GFY: variants seen among roughly 807,000 people sequenced by gnomAD.
The protein encoded by GFY is Golgi-associated olfactory signaling regulator.
A neutral mutation model predicts 29.1 loss-of-function variants in GFY; 28 were observed. The ratio of observed to expected loss-of-function variants is 0.96; its 90% CI spans 0.71 to 1.32. The LOEUF (loss-of-function observed/expected upper bound fraction) is 1.32. Among genes scored for constraint, GFY ranks in the 40% most tolerant of loss-of-function variants. The pLI, the probability that GFY is intolerant of heterozygous loss-of-function variation, is 0.00. For missense variants in GFY, 656 were observed against 661.9 expected (o/e 0.99, Z 0.10); for synonymous variants, 277 against 274.5 (o/e 1.01, Z -0.09).
In GFY at chr19:49,426,191, C is replaced by T. The variant is rs79239146; in HGVS notation, c.-21-219C>T. Among the ~76,000 whole-genome samples, 753 of 152,340 alleles carry T rather than the reference C, an allele frequency of 4.9e-3. 2 individuals carry two copies. Among genetic ancestry groups the T allele is most frequent in the Non-Finnish European group, 8.6e-3 (588 of 68,030 alleles). On this transcript the variant is annotated intron_variant, in intron 1 of 3. Coordinates refer to ENST00000610896, the MANE Select transcript of GFY (RefSeq NM_001195256.2). ...ACAGATAAGGAAATTAACTACGACT[C>T]CCAAGTAGCCCCGCGCCTCAGTCTC...
In GFY at chr19:49,427,245, T is replaced by G. The variant is rs1467341532; in HGVS notation, c.815T>G (p.Val272Gly). 1 of 1,536,010 alleles carries G rather than the reference T, an allele frequency of 6.5e-7. No homozygotes were observed. The highest frequency in any genetic ancestry group is 2.0e-5 in the Admixed American group (1 of 50,982). The change falls in exon 2 of 4, where the codon GTA (valine) becomes GGA (glycine). Residue 272 changes from valine to glycine, a missense_variant. Physicochemically the swap from Val to Gly is moderately radical, Grantham distance 109. Coordinates refer to ENST00000610896, the MANE Select transcript of GFY (RefSeq NM_001195256.2). ...ACCTACTACCAAAATGCAACAGATGTACCCAGGACCTCCGACCCTCAAATC... is the reference window on the plus strand; with the variant it reads ...ACCTACTACCAAAATGCAACAGATGGACCCAGGACCTCCGACCCTCAAATC... ...PTTYYQNATD[V>G]PRTSDPQIST...
rs1184111655 is a variant in GFY at position 49,426,803 on chromosome 19, C to A, written c.373C>A (p.Leu125Ile). 2 of 1,535,774 alleles carry A rather than the reference C, an allele frequency of 1.3e-6. No homozygotes were observed. Among genetic ancestry groups the A allele is most frequent in the East Asian group, 2.4e-5 (1 of 40,894 alleles). Residue 125 changes from leucine to isoleucine, a missense_variant, in exon 2 of 4, where the codon CTC becomes ATC. Leu to Ile is a conservative substitution (Grantham distance 5). Transcript: ENST00000610896. ...SESLDMPKTN[L>I]SKMAHPESSE... ...ATCCCTGGACATGCCCAAAACTAAC[C>A]TCTCCAAAATGGCACACCCAGAGTC...
In GFY at chr19:49,427,533, C is replaced by G; in HGVS notation, c.1103C>G (p.Ala368Gly). Reference protein sequence around the residue: ...LPGRPSQLAPATLRAPQRHSR... With the variant: ...LPGRPSQLAPGTLRAPQRHSR... Reference sequence around the variant, plus strand: ...GGGCGCCCCAGTCAGTTGGCCCCTGCCACTCTGCGGGCACCCCAGAGGCAC... The same window carrying G: ...GGGCGCCCCAGTCAGTTGGCCCCTGGCACTCTGCGGGCACCCCAGAGGCAC... Residue 368 changes from alanine to glycine, a missense_variant, in exon 2 of 4, where the codon GCC (alanine) becomes GGC (glycine). Transcript: ENST00000610896. 1 of 1,520,438 alleles carries G rather than the reference C, an allele frequency of 6.6e-7. No homozygotes were observed. The highest frequency in any genetic ancestry group is 8.8e-7 in the Non-Finnish European group (1 of 1,139,450). The allele number at this position is 1,520,438 out of a possible 1,614,324, so 94.2% of individuals were successfully genotyped here.
Position 49,427,102 on chromosome 19 carries a change from C to T in GFY, c.672C>T (p.Thr224=). Residue 224 remains threonine, a synonymous_variant, in exon 2 of 4, where the codon ACC becomes ACT. Transcript: ENST00000610896. ...PEKHDLNSTE[T]PNSEFLQALH... is the part of the protein sequence containing the mutation. ...AGCATGACCTCAACTCCACTGAGACCCCAAACTCTGAATTTCTCCAAGCTC... is the reference window on the plus strand; with the variant it reads ...AGCATGACCTCAACTCCACTGAGACTCCAAACTCTGAATTTCTCCAAGCTC... 1.3e-6 allele frequency: 2 copies of T among 1,535,814 alleles called. No homozygotes were observed. Among genetic ancestry groups the T allele is most frequent in the Non-Finnish European group, 1.7e-6 (2 of 1,146,846 alleles).
chr19:49,424,166 A>C (rs1975048923), upstream of GFY, among the ~76,000 whole-genome samples: 1 of 152,182 alleles, frequency 6.6e-6, no homozygotes, highest in South Asian at 2.1e-4. Context: ...GATGTGTCTA[A>C]GCCCTTATCT....
Position 49,428,860 on chromosome 19 carries a change from A to G in GFY, c.*42A>G. On this transcript the variant is annotated 3_prime_UTR_variant, in exon 4 of 4. Transcript: ENST00000610896. ...CCGGACCTGCACATCCCCACAGTGA[A>G]GGAAAACCCTGCGCTTCTGGTATGC... The G allele has an allele frequency of 7.6e-7, 1 of 1,316,072 alleles. No individual in the cohort carries two copies. The highest frequency in any genetic ancestry group is 1.0e-6 in the Non-Finnish European group (1 of 998,314). 81.5% of individuals were successfully genotyped at this position (1,316,072 alleles called of 1,614,324 possible). A position where few individuals can be genotyped will look rare whatever the true frequency, so the allele number is the denominator to read the frequency against.
intron 2 of GFY, 47 bp downstream of exon 2, chr19:49,427,660 G>A (rs1457003184): frequency 6.9e-7 from 1 of 1,440,504 alleles, no homozygotes; most frequent in African/African-American, 1.4e-5. Context: ...GGGGCTGGGG[G>A]CCTGGACTCC....
Position 49,427,403 on chromosome 19 carries a change from G to T in GFY, c.973G>T (p.Asp325Tyr). 6.5e-7 allele frequency: 1 copy of T among 1,535,938 alleles called. No homozygotes were observed. Among genetic ancestry groups the T allele is most frequent in the African/African-American group, 1.4e-5 (1 of 73,158 alleles). The change falls in exon 2 of 4, where the codon GAT becomes TAT. Residue 325 changes from aspartate to tyrosine, a missense_variant. By Grantham distance (160) the Asp-to-Tyr change is radical. Coordinates refer to ENST00000610896, the MANE Select transcript of GFY (RefSeq NM_001195256.2). ...QPDSPKLPTS[D>Y]SPGMVELKAP... ...CGACTCCCCAAAATTGCCCACTTCA[G>T]ATTCTCCAGGAATGGTTGAGCTGAA... is the stretch of plus-strand genomic sequence containing the variant.
Position 49,426,663 on chromosome 19 carries a change from T to C in GFY, c.233T>C (p.Leu78Pro). Residue 78 changes from leucine to proline, a missense_variant, in exon 2 of 4, where the codon CTG becomes CCG. Physicochemically the swap from Leu to Pro is moderately conservative, Grantham distance 98. Coordinates refer to ENST00000610896, the MANE Select transcript of GFY (RefSeq NM_001195256.2). ...EPSKLPHTVS[L>P]ETFPLDFTEP... is the part of the protein sequence containing the mutation. ...TCCAAGCTACCTCATACGGTTTCCC[T>C]GGAAACCTTCCCACTTGACTTCACT... 1 of 1,536,046 alleles carries C rather than the reference T, an allele frequency of 6.5e-7. No individual in the cohort carries two copies. Among genetic ancestry groups the C allele is most frequent in the Non-Finnish European group, 8.7e-7 (1 of 1,146,866 alleles).
In GFY at chr19:49,427,498, T is replaced by C; in HGVS notation, c.1068T>C (p.Pro356=). The C allele has an allele frequency of 6.5e-7, 1 of 1,534,150 alleles. No homozygotes were observed. Among genetic ancestry groups the C allele is most frequent in the Non-Finnish European group, 8.7e-7 (1 of 1,145,676 alleles). The change falls in exon 2 of 4, where the codon CCT becomes CCC. Residue 356 remains proline, a synonymous_variant. Coordinates refer to ENST00000610896, the MANE Select transcript of GFY (RefSeq NM_001195256.2). The part of the protein sequence containing the change: ...PPPSARIAGP[P]ALPGRPSQLA... ...CCTCAGCCCGGATTGCAGGTCCCCCTGCTCTTCCAGGGCGCCCCAGTCAGT... is the reference window on the plus strand; with the variant it reads ...CCTCAGCCCGGATTGCAGGTCCCCCCGCTCTTCCAGGGCGCCCCAGTCAGT...
chr19:49,427,385 C>A lies in GFY; in HGVS notation c.955C>A (p.Pro319Thr). ...GTPAAIQPDSPKLPTSDSPGM... is the reference protein window; with the variant it reads ...GTPAAIQPDSTKLPTSDSPGM... Reference sequence around the variant, plus strand: ...ACCTGCAGCCATCCAGCCCGACTCCCCAAAATTGCCCACTTCAGATTCTCC... The same window carrying A: ...ACCTGCAGCCATCCAGCCCGACTCCACAAAATTGCCCACTTCAGATTCTCC... The change falls in exon 2 of 4, where the codon CCA (proline) becomes ACA (threonine). Residue 319 changes from proline (P) to threonine (T), a missense_variant. Pro to Thr is a conservative substitution (Grantham distance 38, BLOSUM62 -1). Coordinates refer to ENST00000610896, the MANE Select transcript of GFY (RefSeq NM_001195256.2). 1 of 1,536,096 alleles carries A rather than the reference C, an allele frequency of 6.5e-7. No homozygotes were observed. The highest frequency in any genetic ancestry group is 8.7e-7 in the Non-Finnish European group (1 of 1,146,840).
At chr19:49,425,025 A>G (rs1452262662), upstream of GFY, among the ~76,000 whole-genome samples, 3 of 151,550 alleles carry the variant, frequency 2.0e-5, no homozygotes, top group African/African-American at 7.3e-5. Context: ...CCAGATTCCT[A>G]TGTTCTGGGG....
intron 2 of GFY, 123 bp from the exon 3 acceptor site, chr19:49,427,823 C>T: frequency 7.8e-7 from 1 of 1,288,688 alleles, no homozygotes; most frequent in Non-Finnish European, 1.0e-6. Context: ...ACTCCTGGGT[C>T]TGAGGGAGAA....
In GFY at chr19:49,426,591, G is replaced by A. The variant is rs918410898; in HGVS notation, c.161G>A (p.Arg54Gln). ...PLKGASENSK[R>Q]DRLNPEFPGT... is the part of the protein sequence containing the mutation. Reference sequence around the variant, plus strand: ...AAGGGTGCTTCTGAAAATTCCAAACGAGATCGCCTTAACCCAGAATTTCCT... The same window carrying A: ...AAGGGTGCTTCTGAAAATTCCAAACAAGATCGCCTTAACCCAGAATTTCCT... Residue 54 changes from arginine (R) to glutamine (Q), a missense_variant, in exon 2 of 4, where the codon CGA (arginine) becomes CAA (glutamine). Transcript: ENST00000610896. 4 of 1,535,628 alleles carry A rather than the reference G, an allele frequency of 2.6e-6. No individual in the cohort carries two copies. Among genetic ancestry groups the A allele is most frequent in the Admixed American group, 2.0e-5 (1 of 50,954 alleles).
chr19:49,427,259 G>C lies in GFY; in HGVS notation c.829G>C (p.Asp277His). ...QNATDVPRTS[D>H]PQISTSLYPE... ...TGCAACAGATGTACCCAGGACCTCC[G>C]ACCCTCAAATCTCCACTAGTCTCTA... is the stretch of plus-strand genomic sequence containing the variant. The change falls in exon 2 of 4, where the codon GAC (aspartate) becomes CAC (histidine). Residue 277 changes from aspartate (D) to histidine (H), a missense_variant. Physicochemically the swap from Asp to His is moderately conservative, Grantham distance 81. Transcript: ENST00000610896. 6.5e-7 allele frequency: 1 copy of C among 1,535,972 alleles called. No homozygotes were observed. Among genetic ancestry groups the C allele is most frequent in the South Asian group, 1.2e-5 (1 of 84,048 alleles).
rs747817078 is a variant in GFY, at chr19:49,426,690, A to G, written c.260A>G (p.Glu87Gly). The G allele has an allele frequency of 6.5e-7, 1 of 1,535,838 alleles. No individual in the cohort carries two copies. Among genetic ancestry groups the G allele is most frequent in the South Asian group, 1.2e-5 (1 of 84,018 alleles). ...GAAACCTTCCCACTTGACTTCACTG[A>G]GCCCCTCAACCCTGACCTCCGAGAA... ...SLETFPLDFT[E>G]PLNPDLRETP... The change falls in exon 2 of 4, where the codon GAG becomes GGG. Residue 87 changes from glutamate (E) to glycine (G), a missense_variant. Physicochemically the swap from Glu to Gly is moderately conservative, Grantham distance 98. Transcript: ENST00000610896.
rs1000202330 is a variant in GFY, at chr19:49,428,131, G to A, written c.1357+12G>A. The A allele has an allele frequency of 1.3e-6, 2 of 1,525,798 alleles. No individual in the cohort carries two copies. Among genetic ancestry groups the A allele is most frequent in the Non-Finnish European group, 1.8e-6 (2 of 1,138,354 alleles). 94.5% of individuals were successfully genotyped at this position (1,525,798 alleles called of 1,614,324 possible). On this transcript the variant is annotated intron_variant, in intron 3 of 3. Transcript: ENST00000610896. ...CGGAGATGAACCGGGTGAGCGCCCT[G>A]CCCCTTGAATGCCTGCACTTTTCCA...
At chr19:49,424,687 C>T (rs1975055426), upstream of GFY, among the ~76,000 whole-genome samples, 1 of 151,808 alleles carries the variant, frequency 6.6e-6, no homozygotes. Flanking sequence ...TCCTTCTCTA[C>T]AAAAATACAT....
At position 49,427,032 on chromosome 19, in the gene GFY, C is replaced by CA. The variant is rs904781268; in HGVS notation, c.605dup (p.Asn202LysfsTer3). On this transcript the variant is annotated frameshift_variant, in exon 2 of 4. Transcript: ENST00000610896. LOFTEE classifies it high-confidence loss of function. ...TCACAGGCAGAACTCCCCGAGACCTCAAACACTAACCCTACCAAGACCCCT... is the reference window on the plus strand; with the variant it reads ...TCACAGGCAGAACTCCCCGAGACCTCAAAACACTAACCCTACCAAGACCCCT... 9.1e-6 allele frequency: 14 copies of CA among 1,535,770 alleles called. No individual in the cohort carries two copies. Among genetic ancestry groups the CA allele is most frequent in the Non-Finnish European group, 1.1e-5 (13 of 1,146,814 alleles).
Sources: allele counts gnomAD v4.1 joint callset (sites outside exome capture counted in the v4.1 genomes callset), GRCh38; gene constraint gnomAD v4.1.1; transcripts MANE v1.5; gene names NCBI Gene and HGNC (gene_info 2026-07-23, HGNC 2026-07-21).